AIG1: variants seen among roughly 807,000 people sequenced by gnomAD.
AIG1 encodes the protein androgen-induced gene 1 protein.
AIG1 carries 23 observed loss-of-function variants against 31.4 expected under a neutral mutation model. The ratio of observed to expected loss-of-function variants is 0.73; its 90% CI spans 0.53 to 1.04. The LOEUF (loss-of-function observed/expected upper bound fraction) is 1.04, where lower values mean the gene tolerates loss of function less well. AIG1 is among the 50% of genes least tolerant of loss of function. AIG1 has a pLI of 0.00. For missense variants in AIG1, 274 were observed against 295.0 expected (o/e 0.93, Z 0.52); for synonymous variants, 100 against 110.5 (o/e 0.90, Z 0.60).
intron 3 of AIG1, among the ~76,000 whole-genome samples, chr6:143,223,581 A>G (rs1250502087): frequency 2.6e-5 from 4 of 152,042 alleles, no homozygotes; most frequent in African/African-American, 7.2e-5. Flanking sequence ...CCCCAGCCCC[A>G]CTTCATGCTT....
At chr6:143,303,076 GT>G (rs924000433) in intron 4 of AIG1, among the ~76,000 whole-genome samples, 31 of 152,054 alleles carry the variant, frequency 2.0e-4, no homozygotes, top group Middle Eastern at 3.4e-3. Flanking sequence ...GGGATTTTTT[GT>G]TTTTTTCTTG....
intron 1 of AIG1, among the ~76,000 whole-genome samples, chr6:143,100,453 G>C (rs186631804): frequency 6.6e-6 from 1 of 152,142 alleles, no homozygotes; most frequent in African/African-American, 2.4e-5. Flanking sequence ...AGAAGGAACT[G>C]ATATTTGTCC....
intron 1 of AIG1, among the ~76,000 whole-genome samples, chr6:143,136,578 T>C (rs938162244): frequency 6.6e-6 from 1 of 152,188 alleles, no homozygotes. Flanking sequence ...TGATGGGCCC[T>C]ATTTAGATGT....
chr6:143,088,470 A>G (rs185505044), intron 1 of AIG1, among the ~76,000 whole-genome samples: 69 of 152,344 alleles, frequency 4.5e-4, no homozygotes, highest in Non-Finnish European at 1.5e-5. Flanking sequence ...GAATGAGTTT[A>G]GTGAAAGAAC....
rs1381426221 is a variant in AIG1 at position 143,258,039 on chromosome 6, C to G, written c.400-26071C>G. ...GGAAAGGAACAGAAACTAATAACTACTGAATGCCTGTTATAAGCCAACCTG... is the reference window on the plus strand; with the variant it reads ...GGAAAGGAACAGAAACTAATAACTAGTGAATGCCTGTTATAAGCCAACCTG... On this transcript the variant is annotated intron_variant, in intron 3 of 5. Coordinates refer to ENST00000357847, the MANE Select transcript of AIG1 (RefSeq NM_016108.4). This position sits in a 1 kb window ranked among gnomAD's most constrained non-coding sequence, Gnocchi z 4.7. Among the ~76,000 whole-genome samples the G allele has an allele frequency of 1.3e-5, 2 of 152,166 alleles. No individual in the cohort carries two copies. The highest frequency in any genetic ancestry group is 2.9e-5 in the Non-Finnish European group (2 of 68,030).
chr6:143,121,039 C>T lies in AIG1; in HGVS notation c.142-15796C>T, dbSNP rs910294846. 2.6e-5 allele frequency among the ~76,000 whole-genome samples: 4 copies of T among 152,232 alleles called. No homozygotes were observed. In the East Asian group the frequency reaches 7.7e-4, roughly 29 times the overall value. ...AGCCCAACCCATCCTTTTATTTCGGCCCATCCCTTTGTTTCCCATAAGGAA... is the reference window on the plus strand; with the variant it reads ...AGCCCAACCCATCCTTTTATTTCGGTCCATCCCTTTGTTTCCCATAAGGAA... On this transcript the variant is annotated intron_variant, in intron 1 of 5. Coordinates refer to ENST00000357847, the MANE Select transcript of AIG1 (RefSeq NM_016108.4).
chr6:143,301,450 T>C (rs1798820019), intron 4 of AIG1, among the ~76,000 whole-genome samples: 1 of 152,228 alleles, frequency 6.6e-6, no homozygotes. Flanking sequence ...CACGTGGTGT[T>C]GGGCCATTCT....
At chr6:143,287,034 C>T (rs1407851940) in intron 4 of AIG1, among the ~76,000 whole-genome samples, 1 of 151,920 alleles carries the variant, frequency 6.6e-6, no homozygotes. Context: ...ACTTCTGCCT[C>T]CCTGCCATGT....
intron 3 of AIG1, among the ~76,000 whole-genome samples, chr6:143,273,670 G>A (rs1002710120): frequency 3.9e-5 from 6 of 152,188 alleles, no homozygotes; most frequent in African/African-American, 7.2e-5. Flanking sequence ...CGAAAGGCAT[G>A]TCTTACATGG....
rs982186281 is a variant in AIG1 at position 143,340,751 on chromosome 6, C to T, written c.*1075C>T. The stretch of plus-strand genomic sequence containing the variant: ...TGCTGGGATTACAGACATGAACCAC[C>T]GCGCCCAGCCACAAAATTGTTTTTA... On this transcript the variant is annotated 3_prime_UTR_variant, in exon 6 of 6. Transcript: ENST00000357847. Among the ~76,000 whole-genome samples, 8 of 151,954 alleles carry T rather than the reference C, an allele frequency of 5.3e-5. No homozygotes were observed. Among genetic ancestry groups the T allele is most frequent in the Non-Finnish European group, 7.4e-5 (5 of 68,000 alleles).
chr6:143,218,748 A>T (rs1002526903), intron 3 of AIG1, among the ~76,000 whole-genome samples: 1 of 152,230 alleles, frequency 6.6e-6, no homozygotes, highest in Non-Finnish European at 1.5e-5. Flanking sequence ...AGGACGCTTC[A>T]TTCATTCTCA....
chr6:143,089,495 A>G (rs1242525023), intron 1 of AIG1, among the ~76,000 whole-genome samples: 1 of 152,138 alleles, frequency 6.6e-6, no homozygotes, highest in Non-Finnish European at 1.5e-5. Flanking sequence ...TACCTACCAT[A>G]TAGGATTGTT....
rs78272144 is a variant in AIG1 at position 143,189,517 on chromosome 6, C to A, written c.399+24334C>A. 1,285 of 985,368 alleles carry A rather than the reference C, an allele frequency of 1.3e-3. 14 individuals are homozygous for A. In the African/African-American group the frequency reaches 0.016, roughly 12 times the overall value. The allele number at this position is 985,368 out of a possible 1,614,324, so 61.0% of individuals were successfully genotyped here. ...ATTAGGTTTTGCTGAGTGTCATATGCTAAGTTATTTGCTTATGAATTTTTC... is the reference window on the plus strand; with the variant it reads ...ATTAGGTTTTGCTGAGTGTCATATGATAAGTTATTTGCTTATGAATTTTTC... On this transcript the variant is annotated intron_variant, in intron 3 of 5. Coordinates refer to ENST00000357847, the MANE Select transcript of AIG1 (RefSeq NM_016108.4).
intron 3 of AIG1, among the ~76,000 whole-genome samples, chr6:143,277,661 G>A (rs182627520): frequency 6.6e-6 from 1 of 152,352 alleles, no homozygotes; most frequent in East Asian, 1.9e-4. Context: ...ACAGGTGCCA[G>A]TAGCGGACAG....
Position 143,060,962 on chromosome 6 carries a change from A to G in AIG1, c.37A>G (p.Ile13Val), listed in dbSNP as rs142175894. The stretch of plus-strand genomic sequence containing the variant: ...CCCCTGCCAGGTGCTGCGGATGGCA[A>G]TCCTGCTGTCTTACTGCTCTATCCT... ...LVPCQVLRMAILLSYCSILCN... is the reference protein window; with the variant it reads ...LVPCQVLRMAVLLSYCSILCN... The change falls in exon 1 of 6, where the codon ATC becomes GTC. Residue 13 changes from isoleucine (I) to valine (V), a missense_variant. By Grantham distance (29) the Ile-to-Val change is conservative (BLOSUM62 3). Transcript: ENST00000357847. The G allele has an allele frequency of 3.4e-5, 55 of 1,612,384 alleles. No homozygotes were observed. In the African/African-American group the frequency reaches 4.4e-4, roughly 13 times the overall value.
Position 143,138,870 on chromosome 6 carries a change from G to T in AIG1, c.297+1880G>T, listed in dbSNP as rs1180502368. 2.0e-5 allele frequency among the ~76,000 whole-genome samples: 3 copies of T among 147,692 alleles called. No homozygotes were observed. In the East Asian group the frequency reaches 5.9e-4, roughly 29 times the overall value. ...ATCTCACCACTGCATTCCAGCCTGGGCAACAGAGCAAGACTCTGTCTCAAA... is the reference window on the plus strand; with the variant it reads ...ATCTCACCACTGCATTCCAGCCTGGTCAACAGAGCAAGACTCTGTCTCAAA... On this transcript the variant is annotated intron_variant, in intron 2 of 5. Coordinates refer to ENST00000357847, the MANE Select transcript of AIG1 (RefSeq NM_016108.4).
At chr6:143,337,014 T>A (rs1777541141) in intron 5 of AIG1, among the ~76,000 whole-genome samples, 1 of 152,218 alleles carries the variant, frequency 6.6e-6, no homozygotes. Flanking sequence ...ATAATCCTCT[T>A]TGGCTAGATG....
At chr6:143,193,277 G>C (rs181412555) in intron 3 of AIG1, among the ~76,000 whole-genome samples, 5 of 152,110 alleles carry the variant, frequency 3.3e-5, no homozygotes, top group Middle Eastern at 3.2e-3. Context: ...CCTCTGACAC[G>C]GTTAGTGCCT....
intron 2 of AIG1, among the ~76,000 whole-genome samples, chr6:143,159,072 G>T (rs887402740): frequency 2.0e-5 from 3 of 152,238 alleles, no homozygotes; most frequent in Non-Finnish European, 4.4e-5. Context: ...GCCCTGGAGG[G>T]TCTAGTGGTG....
Sources: allele counts gnomAD v4.1 joint callset (sites outside exome capture counted in the v4.1 genomes callset), GRCh38; gene constraint gnomAD v4.1.1; non-coding constraint Gnocchi (gnomAD v3.1); transcripts MANE v1.5; gene names NCBI Gene and HGNC (gene_info 2026-07-23, HGNC 2026-07-21).